The following UTRN variants were observed in gnomAD, a reference collection of about 807,000 sequenced individuals.
UTRN encodes utrophin.
A neutral mutation model predicts 463.9 loss-of-function variants in UTRN; 283 were observed. The ratio of observed to expected loss-of-function variants is 0.61; its 90% CI spans 0.55 to 0.67. UTRN has a LOEUF of 0.67. Ranked by LOEUF, UTRN falls within the 30% of genes least tolerant of loss-of-function variation. The probability of loss-of-function intolerance (pLI) is 0.00; values close to 1 mark genes in which losing one functional copy is unlikely to be tolerated. For missense variants in UTRN, 3,922 were observed against 4,084.3 expected, an observed-to-expected ratio of 0.96 and a Z score of 1.08; for synonymous variants, 1,442 against 1,431.5, an observed-to-expected ratio of 1.01 and a Z score of -0.17.
chr6:144,429,393 A>G (rs994361624), intron 8 of UTRN, among the ~76,000 whole-genome samples, 188 bp from the exon 9 acceptor site: 4 of 152,180 alleles, frequency 2.6e-5, no homozygotes, highest in Non-Finnish European at 5.9e-5. Context: ...GAGATACTGA[A>G]CAAAAATAAG....
At chr6:144,409,431 T>G (rs1034766128) in intron 3 of UTRN, among the ~76,000 whole-genome samples, 2 of 152,192 alleles carry the variant, frequency 1.3e-5, no homozygotes, top group African/African-American at 4.8e-5. Flanking sequence ...ATTGATCAAC[T>G]GGGAGGAAAT....
At chr6:144,598,675 C>T (rs1291625042) in intron 51 of UTRN, among the ~76,000 whole-genome samples, 2 of 152,120 alleles carry the variant, frequency 1.3e-5, no homozygotes, top group Admixed American at 1.3e-4. Flanking sequence ...TCAGGGCCTG[C>T]TATCTGTCAT....
rs1793253350 is a variant in UTRN, at chr6:144,493,453, A to C, written c.4590A>C (p.Ala1530=). The C allele has an allele frequency of 6.8e-6, 11 of 1,613,766 alleles. No homozygotes were observed. Among genetic ancestry groups the C allele is most frequent in the Non-Finnish European group, 9.3e-6 (11 of 1,179,782 alleles). Reference sequence around the variant, plus strand: ...AGGTTCTTTACAATGACCTGGGCGCACAGGTGAGGAGAGCAGCCCCACAGC... The same window carrying C: ...AGGTTCTTTACAATGACCTGGGCGCCCAGGTGAGGAGAGCAGCCCCACAGC... ...SLKVLYNDLG[A]QVTEGKQDLE... Residue 1530 remains alanine (A), a synonymous_variant, in exon 33 of 75, where the codon GCA becomes GCC. Coordinates refer to ENST00000367545, the MANE Select transcript of UTRN (RefSeq NM_007124.3).
At chr6:144,663,763 A>G in intron 51 of UTRN, among the ~76,000 whole-genome samples, 1 of 152,220 alleles carries the variant, frequency 6.6e-6, no homozygotes, top group East Asian at 1.9e-4. Context: ...AAACCACTCA[A>G]TGCTGAATTA....
intron 50 of UTRN, among the ~76,000 whole-genome samples, chr6:144,573,332 A>C (rs1365244299): frequency 1.3e-5 from 2 of 151,988 alleles, no homozygotes; most frequent in Non-Finnish European, 2.9e-5. Context: ...CAGGCAGATC[A>C]CTTGAAGTTG....
chr6:144,430,483 G>A (rs541210904), intron 9 of UTRN, among the ~76,000 whole-genome samples: 3 of 152,186 alleles, frequency 2.0e-5, no homozygotes, highest in African/African-American at 7.2e-5. Context: ...AGACATACAT[G>A]TAGATTTCAA....
intron 41 of UTRN, 84 bp from the exon 42 acceptor site, chr6:144,530,968 A>G: frequency 1.4e-6 from 2 of 1,437,364 alleles, no homozygotes; most frequent in Admixed American, 2.4e-5. Flanking sequence ...TTTAAATGAA[A>G]TTTGATTTTC....
intron 69 of UTRN, among the ~76,000 whole-genome samples, chr6:144,833,798 T>C (rs1473404649): frequency 6.6e-6 from 1 of 152,196 alleles, no homozygotes; most frequent in East Asian, 1.9e-4. Flanking sequence ...ACATTAGTCT[T>C]ACAGCTTGCT....
At chr6:144,632,363 T>A (rs1585677369) in intron 51 of UTRN, among the ~76,000 whole-genome samples, 1 of 152,292 alleles carries the variant, frequency 6.6e-6, no homozygotes, top group Middle Eastern at 3.4e-3. Context: ...CTGGAGAGTC[T>A]CAGTAAGATG....
chr6:144,656,024 T>G (rs1295765719), intron 51 of UTRN, among the ~76,000 whole-genome samples: 3 of 152,216 alleles, frequency 2.0e-5, no homozygotes, highest in Non-Finnish European at 4.4e-5. Context: ...CCTGTGCTTC[T>G]CTGTGGTTCT....
intron 2 of UTRN, among the ~76,000 whole-genome samples, chr6:144,332,731 T>C (rs936164678): frequency 6.6e-6 from 1 of 152,112 alleles, no homozygotes; most frequent in African/African-American, 2.4e-5. Flanking sequence ...TGTAAAGTTA[T>C]TTATGACACT....
At chr6:144,817,585 C>T (rs1156265921) in intron 65 of UTRN, among the ~76,000 whole-genome samples, 2 of 151,828 alleles carry the variant, frequency 1.3e-5, no homozygotes, top group Admixed American at 1.3e-4. Flanking sequence ...TTAGGTACTA[C>T]TATTATATAA....
intron 2 of UTRN, among the ~76,000 whole-genome samples, chr6:144,339,666 T>C (rs1584345098): frequency 6.6e-6 from 1 of 152,182 alleles, no homozygotes; most frequent in South Asian, 2.1e-4. Flanking sequence ...TCATTCATGA[T>C]GCTTTTAGGT....
chr6:144,563,734 C>T (rs1800137889), intron 50 of UTRN, among the ~76,000 whole-genome samples: 1 of 151,914 alleles, frequency 6.6e-6, no homozygotes, highest in Non-Finnish European at 1.5e-5. Flanking sequence ...TAAAGCTGGC[C>T]AAAAAGAGAA....
Position 144,429,111 on chromosome 6 carries a change from T to C in UTRN, c.694+218T>C, listed in dbSNP as rs538459921. On this transcript the variant is annotated intron_variant, in intron 8 of 74. Coordinates refer to ENST00000367545, the MANE Select transcript of UTRN (RefSeq NM_007124.3). ...TTAGGTAGAAATTTAACTACAGCACTGGACAATAGTTAATCTAAATTAAGT... is the reference window on the plus strand; with the variant it reads ...TTAGGTAGAAATTTAACTACAGCACCGGACAATAGTTAATCTAAATTAAGT... 2.0e-5 allele frequency among the ~76,000 whole-genome samples: 3 copies of C among 152,308 alleles called. No individual in the cohort carries two copies. The East Asian group carries it at 5.8e-4, about 29-fold the overall frequency.
rs917501772 is a variant in UTRN, at chr6:144,340,769, C to T, written c.79+48862C>T. On this transcript the variant is annotated intron_variant, in intron 2 of 74. Coordinates refer to ENST00000367545, the MANE Select transcript of UTRN (RefSeq NM_007124.3). ...CACAAGAACTAGAAAATGAGGCCAC[C>T]GTGTAATCTAGCAGAAGAATGGATC... is the stretch of plus-strand genomic sequence containing the variant. Among the ~76,000 whole-genome samples the T allele has an allele frequency of 3.9e-5, 6 of 152,282 alleles. No homozygotes were observed. The East Asian group carries it at 7.7e-4, about 20-fold the overall frequency.
At chr6:144,819,600 C>T (rs111738789) in intron 65 of UTRN, among the ~76,000 whole-genome samples, 1 of 151,812 alleles carries the variant, frequency 6.6e-6, no homozygotes, top group Non-Finnish European at 1.5e-5. Flanking sequence ...GGCTGAGGCA[C>T]GAGAATCGGC....
At chr6:144,593,665 ATTC>A (rs1376356844) in intron 51 of UTRN, among the ~76,000 whole-genome samples, 1 of 152,160 alleles carries the variant, frequency 6.6e-6, no homozygotes, top group Non-Finnish European at 1.5e-5. Flanking sequence ...TCCAGACCCT[ATTC>A]TTCTGCCTCA....
At position 144,309,518 on chromosome 6, in the gene UTRN, A is replaced by G. The variant is rs545860649; in HGVS notation, c.79+17611A>G. Among the ~76,000 whole-genome samples the G allele has an allele frequency of 3.3e-5, 5 of 152,272 alleles. No individual in the cohort carries two copies. The South Asian group carries it at 6.2e-4, about 19-fold the overall frequency. On this transcript the variant is annotated intron_variant, in intron 2 of 74. Transcript: ENST00000367545. ...ATCTTTGTAGTCCTTTCTTTCTCGT[A>G]TACCCACATCCAATGCAGCAGATCC...
Sources: gnomAD v4.1 joint callset for allele counts (sites outside exome capture counted in the v4.1 genomes callset) on GRCh38, gnomAD v4.1.1 for gene constraint, MANE v1.5 for transcripts, NCBI Gene and HGNC (gene_info 2026-07-23, HGNC 2026-07-21) for gene names.